The following ADGRL4 variants were observed in gnomAD, a reference collection of about 807,000 sequenced individuals.
ADGRL4 encodes the protein EGF, latrophilin and seven transmembrane domain containing 1.
Under a neutral mutation model 74.8 loss-of-function variants are expected in ADGRL4, and 90 were observed. That is an observed-to-expected ratio of 1.20 (90% CI 1.02 to 1.43). The LOEUF is 1.43. Among genes scored for constraint, ADGRL4 ranks in the 40% most tolerant of loss-of-function variants. The pLI, the probability that ADGRL4 is intolerant of heterozygous loss-of-function variation, is 0.00. For synonymous variants in ADGRL4, 311 were observed against 279.2 expected, an observed-to-expected ratio of 1.11 and a Z score of -1.14; for missense variants, 881 against 814.3, an observed-to-expected ratio of 1.08 and a Z score of -1.00.
At chr1:79,000,634 C>A (rs943595820) in intron 2 of ADGRL4, among the ~76,000 whole-genome samples, 4 of 151,926 alleles carry the variant, frequency 2.6e-5, no homozygotes, top group African/African-American at 7.3e-5. Flanking sequence ...ATCTCTACTG[C>A]AGAACCTTTC....
At chr1:78,978,023 T>C (rs1650322344) in intron 2 of ADGRL4, among the ~76,000 whole-genome samples, 1 of 151,902 alleles carries the variant, frequency 6.6e-6, no homozygotes. Context: ...TTTGCAATTA[T>C]ATAAATATCC....
chr1:78,958,372 T>C (rs1474270992), intron 2 of ADGRL4, among the ~76,000 whole-genome samples: 1 of 152,196 alleles, frequency 6.6e-6, no homozygotes, highest in Non-Finnish European at 1.5e-5. Flanking sequence ...ACTCTGGAAA[T>C]GATTCACCAT....
intron 2 of ADGRL4, among the ~76,000 whole-genome samples, chr1:79,002,669 C>A (rs1268491219): frequency 1.3e-5 from 2 of 152,012 alleles, no homozygotes; most frequent in Non-Finnish European, 2.9e-5. Context: ...ATACTTGAAT[C>A]CAAGTCGGTT....
intron 2 of ADGRL4, among the ~76,000 whole-genome samples, chr1:78,996,646 G>C (rs1650721646): frequency 6.6e-6 from 1 of 152,076 alleles, no homozygotes; most frequent in Non-Finnish European, 1.5e-5. Context: ...TCTATTAGAT[G>C]AATATTAGGC....
chr1:78,928,567 T>C (rs1331215053), intron 7 of ADGRL4, among the ~76,000 whole-genome samples: 1 of 151,500 alleles, frequency 6.6e-6, no homozygotes, highest in Non-Finnish European at 1.5e-5. Context: ...TTTAGTCTTT[T>C]TGCCCTAAGA....
chr1:78,899,763 C>T (rs1648480199), intron 12 of ADGRL4, among the ~76,000 whole-genome samples: 2 of 144,824 alleles, frequency 1.4e-5, no homozygotes, highest in African/African-American at 2.5e-5. Flanking sequence ...GTCTGATTTT[C>T]TTTTTTTTTT....
intron 2 of ADGRL4, among the ~76,000 whole-genome samples, chr1:78,951,795 A>C (rs978566378): frequency 2.0e-5 from 3 of 152,208 alleles, no homozygotes; most frequent in African/African-American, 7.2e-5. Context: ...GTCTGACTCC[A>C]AAGACAAAGT....
chr1:78,910,634 CACTT>C (rs1179868783), intron 12 of ADGRL4, among the ~76,000 whole-genome samples: 4 of 151,710 alleles, frequency 2.6e-5, no homozygotes, highest in African/African-American at 9.7e-5. Context: ...TGAATCTAAT[CACTT>C]ACATAGTTTT....
rs1255748473 is a variant in ADGRL4, at chr1:78,936,424, C to A, written c.761-13G>T. On this transcript the variant is annotated splice_polypyrimidine_tract_variant and intron_variant, in intron 6 of 14. Coordinates refer to ENST00000370742, the MANE Select transcript of ADGRL4 (RefSeq NM_022159.4). Reference sequence around the variant, plus strand: ...AAAACTTTGAGAGCTGAAACAAAACCATGAAAATAAAAAAAGTGAAATTAC... The same window carrying A: ...AAAACTTTGAGAGCTGAAACAAAACAATGAAAATAAAAAAAGTGAAATTAC... The A allele has an allele frequency of 2.6e-6, 4 of 1,552,926 alleles. No homozygotes were observed. Among genetic ancestry groups the A allele is most frequent in the Admixed American group, 2.2e-5 (1 of 45,624 alleles).
At chr1:79,000,813 A>G (rs758222614) in intron 2 of ADGRL4, among the ~76,000 whole-genome samples, 8 of 152,126 alleles carry the variant, frequency 5.3e-5, no homozygotes, top group Non-Finnish European at 7.4e-5. Flanking sequence ...TTCCCATTTA[A>G]TACAGAAACC....
chr1:78,951,224 C>A (rs6679979), intron 2 of ADGRL4, among the ~76,000 whole-genome samples: 2,394 of 152,192 alleles, frequency 0.016, 78 homozygotes, highest in African/African-American at 0.055. Flanking sequence ...GTTTTGCCTC[C>A]CCATCATCTG....
At chr1:78,996,558 T>G (rs530531804) in intron 2 of ADGRL4, among the ~76,000 whole-genome samples, 1 of 152,318 alleles carries the variant, frequency 6.6e-6, no homozygotes, top group African/African-American at 2.4e-5. Flanking sequence ...CATGACTTTC[T>G]TAAGCTTTGG....
intron 2 of ADGRL4, among the ~76,000 whole-genome samples, chr1:78,968,479 G>A (rs772819943): frequency 1.1e-4 from 14 of 127,852 alleles, no homozygotes; most frequent in Non-Finnish European, 2.2e-4. Flanking sequence ...ATGCATAATC[G>A]CTCTCTACTG....
At chr1:78,973,145 G>T (rs1286131641) in intron 2 of ADGRL4, among the ~76,000 whole-genome samples, 1 of 152,026 alleles carries the variant, frequency 6.6e-6, no homozygotes, top group East Asian at 1.9e-4. Context: ...TTTAAAAATA[G>T]ATTCTTAATT....
At chr1:78,944,769 G>T (rs543532771) in intron 3 of ADGRL4, among the ~76,000 whole-genome samples, 28 of 152,152 alleles carry the variant, frequency 1.8e-4, no homozygotes, top group Non-Finnish European at 3.1e-4. Flanking sequence ...TACTTCCTTG[G>T]CAATAAAATG....
intron 3 of ADGRL4, among the ~76,000 whole-genome samples, chr1:78,942,479 TA>T (rs936293886): frequency 6.6e-6 from 1 of 152,240 alleles, no homozygotes; most frequent in Non-Finnish European, 1.5e-5. Context: ...TAATGAAAGC[TA>T]AATCTCTGTT....
intron 6 of ADGRL4, among the ~76,000 whole-genome samples, chr1:78,937,069 A>G (rs1382446935): frequency 6.6e-6 from 1 of 152,252 alleles, no homozygotes. Context: ...ATGAATTTGC[A>G]TGAAGCAGGA....
intron 2 of ADGRL4, among the ~76,000 whole-genome samples, chr1:78,989,638 C>T (rs1650565425): frequency 6.6e-6 from 1 of 151,700 alleles, no homozygotes. Context: ...ATCTTGTTAT[C>T]TATGTAACCC....
At chr1:78,946,708 T>C (rs1649609092) in intron 2 of ADGRL4, among the ~76,000 whole-genome samples, 2 of 152,172 alleles carry the variant, frequency 1.3e-5, no homozygotes, top group African/African-American at 4.8e-5. Context: ...TTTTTACATA[T>C]AATTTAATTA....
Sources: allele counts gnomAD v4.1 joint callset (sites outside exome capture counted in the v4.1 genomes callset), GRCh38; gene constraint gnomAD v4.1.1; transcripts MANE v1.5; gene names NCBI Gene and HGNC (gene_info 2026-07-23, HGNC 2026-07-21).